The following CLOCK variants were observed in gnomAD, a reference collection of about 807,000 sequenced individuals.
CLOCK encodes clock circadian regulator, also known as circadian locomoter output cycles protein kaput.
Under a neutral mutation model 118.4 loss-of-function variants are expected in CLOCK, and 43 were observed. The observed-to-expected ratio is 0.36, with a 90% CI of 0.28 to 0.47. The LOEUF is 0.47. Among genes scored for constraint, CLOCK ranks in the 20% least tolerant of loss-of-function variants. The probability of loss-of-function intolerance (pLI) is 1.00; values close to 1 mark genes in which losing one functional copy is unlikely to be tolerated. For missense variants in CLOCK, 846 were observed against 999.9 expected, an observed-to-expected ratio of 0.85 and a Z score of 2.08; for synonymous variants, 326 against 339.2, an observed-to-expected ratio of 0.96 and a Z score of 0.43.
In CLOCK at chr4:55,442,590, T is replaced by C. The variant is rs767919843; in HGVS notation, c.1947A>G (p.Leu649=). The change falls in exon 21 of 23, where the codon CTA becomes CTG. Residue 649 remains leucine (L), a synonymous_variant. Transcript: ENST00000513440. The part of the protein sequence containing the change: ...VLSGHSQQTS[L]PSQTQSTLTA... Reference sequence around the variant, plus strand: ...TAAGAGTGCTCTGTGTCTGACTGGGTAGAGATGTTTGCTGACTGTGCCCAC... The same window carrying C: ...TAAGAGTGCTCTGTGTCTGACTGGGCAGAGATGTTTGCTGACTGTGCCCAC... The C allele has an allele frequency of 3.1e-6, 5 of 1,612,098 alleles. No homozygotes were observed. The East Asian group carries it at 6.7e-5, about 22-fold the overall frequency.
intron 11 of CLOCK, among the ~76,000 whole-genome samples, chr4:55,458,269 C>T (rs1725056198): frequency 6.6e-6 from 1 of 152,162 alleles, no homozygotes; most frequent in South Asian, 2.1e-4. Context: ...GTCACGTTGC[C>T]CAGGCTGGTC....
intron 1 of CLOCK, among the ~76,000 whole-genome samples, chr4:55,519,642 G>A (rs1025309561): frequency 2.6e-5 from 4 of 152,152 alleles, no homozygotes; most frequent in African/African-American, 9.6e-5. Flanking sequence ...GCCGGGCGTG[G>A]TGGTGCACTT....
intron 2 of CLOCK, among the ~76,000 whole-genome samples, chr4:55,504,791 T>C (rs1728694911): frequency 6.6e-6 from 1 of 152,222 alleles, no homozygotes. Context: ...TTGTATTTTT[T>C]ACATTTGCAA....
rs912071285 is a variant in CLOCK at position 55,433,685 on chromosome 4, C to T, written c.*1730G>A. ...TCTAATAATGTATTTTCTACTAATC[C>T]TCTTTTGTTCTATCACTGTAAATTT... On this transcript the variant is annotated 3_prime_UTR_variant, in exon 23 of 23. Coordinates refer to ENST00000513440, the MANE Select transcript of CLOCK (RefSeq NM_004898.4). The T allele has an allele frequency of 6.6e-6, 1 of 152,072 alleles. No individual in the cohort carries two copies. The highest frequency in any genetic ancestry group is 1.5e-5 in the Non-Finnish European group (1 of 68,014). 9.4% of individuals were successfully genotyped at this position (152,072 alleles called of 1,614,324 possible). A position where few individuals can be genotyped will look rare whatever the true frequency, so the allele number is the denominator to read the frequency against.
chr4:55,500,639 T>C (rs1048253323), intron 2 of CLOCK, among the ~76,000 whole-genome samples: 1 of 151,918 alleles, frequency 6.6e-6, no homozygotes, highest in African/African-American at 2.4e-5. Flanking sequence ...GCATGAGCCA[T>C]AGCATCGGCC....
At chr4:55,449,305 G>A (rs1724218558) in intron 17 of CLOCK, 91 bp downstream of exon 17, 1 of 1,141,408 alleles carries the variant, frequency 8.8e-7, no homozygotes, top group Non-Finnish European at 1.3e-6. Context: ...TTACAAAGAG[G>A]GGTGACAAAT....
intron 1 of CLOCK, among the ~76,000 whole-genome samples, chr4:55,539,746 A>G (rs1349021860): frequency 1.3e-5 from 2 of 152,168 alleles, no homozygotes; most frequent in South Asian, 2.1e-4. Context: ...CAGAAGATTG[A>G]TAAGTAAATT....
chr4:55,519,832 T>C (rs193078495), intron 1 of CLOCK, among the ~76,000 whole-genome samples: 27 of 152,002 alleles, frequency 1.8e-4, no homozygotes, highest in African/African-American at 6.3e-4. Flanking sequence ...ATTTATGGGG[T>C]CACTGCACAG....
chr4:55,498,051 A>G (rs972268207), intron 2 of CLOCK, among the ~76,000 whole-genome samples: 15 of 151,712 alleles, frequency 9.9e-5, no homozygotes, highest in African/African-American at 3.4e-4. Context: ...CTCTTAGGAA[A>G]TCGGATTATT....
At chr4:55,515,854 TGTTAA>T (rs1729477083) in intron 1 of CLOCK, among the ~76,000 whole-genome samples, 2 of 152,220 alleles carry the variant, frequency 1.3e-5, no homozygotes, top group Admixed American at 6.5e-5. Flanking sequence ...CCGCATATTT[TGTTAA>T]GTTGTTTTCA....
At chr4:55,544,142 TAC>T (rs1222492640) in intron 1 of CLOCK, among the ~76,000 whole-genome samples, 4 of 146,112 alleles carry the variant, frequency 2.7e-5, no homozygotes, top group African/African-American at 7.7e-5. Flanking sequence ...GTTCATTTTG[TAC>T]ACTTTCATGA....
intron 1 of CLOCK, among the ~76,000 whole-genome samples, chr4:55,528,100 G>A (rs941399532): frequency 2.0e-5 from 3 of 151,990 alleles, no homozygotes; most frequent in Non-Finnish European, 4.4e-5. Flanking sequence ...GCTAACGCCT[G>A]TAATCCCAGC....
intron 2 of CLOCK, among the ~76,000 whole-genome samples, chr4:55,504,128 CA>C (rs941849694): frequency 2.7e-5 from 4 of 148,940 alleles, no homozygotes; most frequent in Middle Eastern, 3.5e-3. Flanking sequence ...ACTAAAAATA[CA>C]AAAAAAATTA....
At chr4:55,542,696 T>A (rs1237280763) in intron 1 of CLOCK, among the ~76,000 whole-genome samples, 1 of 152,040 alleles carries the variant, frequency 6.6e-6, no homozygotes, top group Non-Finnish European at 1.5e-5. Context: ...CTTCTCTCCT[T>A]TTCCCTTCAA....
intron 3 of CLOCK, among the ~76,000 whole-genome samples, chr4:55,484,878 T>TCTA (rs1216065882): frequency 6.6e-6 from 1 of 152,200 alleles, no homozygotes; most frequent in Non-Finnish European, 1.5e-5. Flanking sequence ...AGGCTGATGC[T>TCTA]TTATTAGGCT....
chr4:55,489,442 T>C lies in CLOCK; in HGVS notation c.-112A>G, dbSNP rs967004619. 2.0e-5 allele frequency: 3 copies of C among 152,130 alleles called. No individual in the cohort carries two copies. Among genetic ancestry groups the C allele is most frequent in the Non-Finnish European group, 4.4e-5 (3 of 68,020 alleles). The allele number at this position is 152,130 out of a possible 1,614,324, so 9.4% of individuals were successfully genotyped here. ...TATAGGTTCAAGGTACTCTTCTATA[T>C]GACCAACCATAAGTCTCAGAATTCT... On this transcript the variant is annotated 5_prime_UTR_variant, in exon 3 of 23. Coordinates refer to ENST00000513440, the MANE Select transcript of CLOCK (RefSeq NM_004898.4).
At chr4:55,478,755 T>C (rs1470481016) in intron 6 of CLOCK, 60 bp downstream of exon 6, 2 of 1,535,610 alleles carry the variant, frequency 1.3e-6, no homozygotes, top group Non-Finnish European at 9.0e-7. Flanking sequence ...TAAGCATCTC[T>C]GCCAAGATTC....
chr4:55,453,185 G>A, intron 14 of CLOCK, 56 bp from the exon 15 acceptor site: 1 of 1,331,368 alleles, frequency 7.5e-7, no homozygotes, highest in Non-Finnish European at 1.1e-6. Flanking sequence ...TTAAAATACT[G>A]CACAGCTGTA....
intron 2 of CLOCK, among the ~76,000 whole-genome samples, chr4:55,497,150 G>A (rs1313219585): frequency 6.6e-6 from 1 of 152,098 alleles, no homozygotes; most frequent in African/African-American, 2.4e-5. Context: ...CCGAGGTGTT[G>A]GCAGGGCTGA....
Sources: gnomAD v4.1 joint callset for allele counts (sites outside exome capture counted in the v4.1 genomes callset) on GRCh38, gnomAD v4.1.1 for gene constraint, MANE v1.5 for transcripts, NCBI Gene and HGNC (gene_info 2026-07-23, HGNC 2026-07-21) for gene names.